Variants in EPHA6 observed in about 807,000 individuals in gnomAD.
EPHA6 encodes the protein ephrin type-A receptor 6.
Under a neutral mutation model 112.0 loss-of-function variants are expected in EPHA6, and 50 were observed. The ratio of observed to expected loss-of-function variants is 0.45; its 90% CI spans 0.36 to 0.56. EPHA6 has a LOEUF of 0.56. Among genes scored for constraint, EPHA6 ranks in the 20% least tolerant of loss-of-function variants. The pLI is 0.00. For missense variants in EPHA6, 1,280 were observed against 1,417.4 expected, an observed-to-expected ratio of 0.90 and a Z score of 1.56; for synonymous variants, 529 against 490.7, an observed-to-expected ratio of 1.08 and a Z score of -1.03.
chr3:97,202,692 A>G (rs745813752), intron 3 of EPHA6, among the ~76,000 whole-genome samples: 19 of 152,236 alleles, frequency 1.2e-4, no homozygotes, highest in Non-Finnish European at 2.2e-4. Context: ...GGGCTGGAAG[A>G]TAGTTGAACT....
At chr3:97,290,674 G>T (rs958484325) in intron 5 of EPHA6, among the ~76,000 whole-genome samples, 1 of 151,988 alleles carries the variant, frequency 6.6e-6, no homozygotes, top group African/African-American at 2.4e-5. Context: ...ATGTATAGTT[G>T]TTTATTACAG....
intron 5 of EPHA6, among the ~76,000 whole-genome samples, chr3:97,337,089 CT>C (rs1559898179): frequency 1.3e-5 from 2 of 152,030 alleles, no homozygotes; most frequent in African/African-American, 4.8e-5. Flanking sequence ...CATTTAAAAT[CT>C]TTTATAAAAT....
intron 10 of EPHA6, among the ~76,000 whole-genome samples, chr3:97,531,517 A>C (rs879659423): frequency 3.9e-5 from 6 of 151,952 alleles, no homozygotes; most frequent in Non-Finnish European, 8.8e-5. Context: ...GGTCTAGCAT[A>C]AGTTTCATCC....
intron 13 of EPHA6, among the ~76,000 whole-genome samples, chr3:97,627,739 C>G (rs192010190): frequency 6.6e-6 from 1 of 151,898 alleles, no homozygotes; most frequent in East Asian, 1.9e-4. Context: ...AAAATCAGAG[C>G]AGATGGAGAC....
intron 5 of EPHA6, among the ~76,000 whole-genome samples, chr3:97,303,286 A>G (rs753465675): frequency 2.0e-5 from 3 of 152,030 alleles, no homozygotes; most frequent in Non-Finnish European, 4.4e-5. Flanking sequence ...TCTCTGGAAT[A>G]ATATAAGGAC....
intron 1 of EPHA6, among the ~76,000 whole-genome samples, chr3:96,837,003 T>C (rs1294641426): frequency 6.6e-6 from 1 of 152,110 alleles, no homozygotes; most frequent in Non-Finnish European, 1.5e-5. Flanking sequence ...AACACTCAGA[T>C]AGGATGAGAA....
chr3:97,571,194 C>G (rs2093329263), intron 11 of EPHA6, among the ~76,000 whole-genome samples: 1 of 151,998 alleles, frequency 6.6e-6, no homozygotes, highest in Admixed American at 6.5e-5. Context: ...TTAAAAAATA[C>G]TGCTGCCAGG....
intron 3 of EPHA6, among the ~76,000 whole-genome samples, chr3:97,036,762 T>G (rs2045113541): frequency 2.0e-5 from 3 of 152,050 alleles, no homozygotes; most frequent in Admixed American, 2.0e-4. Context: ...TCCTAGATGA[T>G]TGTGACAATC....
intron 6 of EPHA6, among the ~76,000 whole-genome samples, chr3:97,438,774 G>C (rs774590837): frequency 3.3e-5 from 5 of 152,094 alleles, no homozygotes; most frequent in Non-Finnish European, 7.4e-5. Flanking sequence ...ACAATGCTAC[G>C]TTACACACCT....
Position 96,936,573 on chromosome 3 carries a change from G to GT in EPHA6, c.451-50748dup, listed in dbSNP as rs1045066166. Among the ~76,000 whole-genome samples the GT allele has an allele frequency of 1.5e-3, 226 of 149,098 alleles. 1 individual carries two copies. Among genetic ancestry groups the GT allele is most frequent in the African/African-American group, 4.6e-3 (189 of 40,780 alleles). On this transcript the variant is annotated intron_variant, in intron 2 of 17. Transcript: ENST00000389672. ...AGGAAATGTATAATATTGCTCTTGG[G>GT]TTTTTTTTTGTTGATGTTCTTTTTT...
intron 2 of EPHA6, among the ~76,000 whole-genome samples, chr3:96,974,089 T>G (rs942873172): frequency 2.1e-5 from 3 of 146,330 alleles, no homozygotes; most frequent in Non-Finnish European, 3.0e-5. Context: ...TTAATAATTA[T>G]AAATAATATA....
chr3:96,853,748 C>T (rs1300231852), intron 1 of EPHA6, among the ~76,000 whole-genome samples: 1 of 151,550 alleles, frequency 6.6e-6, no homozygotes, highest in African/African-American at 2.4e-5. Context: ...CTTTTTCCTT[C>T]CCTTTATGAT....
intron 5 of EPHA6, among the ~76,000 whole-genome samples, chr3:97,362,507 G>C (rs2084426592): frequency 6.6e-6 from 1 of 151,828 alleles, no homozygotes. Context: ...TTATACGTTA[G>C]GACAAATAGT....
intron 5 of EPHA6, among the ~76,000 whole-genome samples, chr3:97,384,738 C>T (rs2085957125): frequency 2.0e-5 from 3 of 151,954 alleles, no homozygotes; most frequent in Admixed American, 2.0e-4. Flanking sequence ...ATAATAGAAA[C>T]ATCATACTAT....
chr3:96,964,202 T>C (rs1402265855), intron 2 of EPHA6, among the ~76,000 whole-genome samples: 1 of 152,050 alleles, frequency 6.6e-6, no homozygotes, highest in East Asian at 1.9e-4. Flanking sequence ...AGATGTACAA[T>C]TATTATTGAA....
chr3:97,560,747 A>G (rs929886645), intron 11 of EPHA6, among the ~76,000 whole-genome samples: 2 of 152,042 alleles, frequency 1.3e-5, no homozygotes, highest in Non-Finnish European at 2.9e-5. Flanking sequence ...AAGACAATAA[A>G]CAAATACAGG....
chr3:97,621,883 T>G (rs1316577130), intron 13 of EPHA6, among the ~76,000 whole-genome samples: 1 of 151,964 alleles, frequency 6.6e-6, no homozygotes, highest in East Asian at 1.9e-4. Context: ...AGAAGCCAGA[T>G]TGCAGAGAGC....
intron 6 of EPHA6, among the ~76,000 whole-genome samples, chr3:97,415,780 C>T (rs755087800): frequency 1.3e-5 from 2 of 152,064 alleles, no homozygotes; most frequent in Non-Finnish European, 2.9e-5. Flanking sequence ...ATCTGTAACA[C>T]ATTAAGCTCC....
At chr3:96,981,382 A>G (rs1409130447) in intron 2 of EPHA6, among the ~76,000 whole-genome samples, 1 of 152,044 alleles carries the variant, frequency 6.6e-6, no homozygotes, top group Non-Finnish European at 1.5e-5. Flanking sequence ...AACCAGCCTT[A>G]CATCCCAGGG....
Sources: gnomAD v4.1 joint callset for allele counts (sites outside exome capture counted in the v4.1 genomes callset) on GRCh38, gnomAD v4.1.1 for gene constraint, MANE v1.5 for transcripts, NCBI Gene and HGNC (gene_info 2026-07-23, HGNC 2026-07-21) for gene names.